KCNQ1OT1: variants seen among roughly 807,000 people sequenced by gnomAD.
The protein encoded by KCNQ1OT1 is KCNQ1 opposite strand/antisense transcript 1.
chr11:2,661,920 G>T lies in KCNQ1OT1; in HGVS notation n.38075C>A, dbSNP rs74046836. On this transcript the variant is annotated non_coding_transcript_exon_variant, in exon 1 of 1. Coordinates refer to ENST00000597346, the Ensembl canonical transcript of KCNQ1OT1. The surrounding 1 kb of genome is among the most constrained non-coding windows in gnomAD (Gnocchi z 5.9). ...CTGGCTCCACAGCACTGGCAGGTTGGGTGGGAGGCCTAACGTGCTGTCCCC... is the reference window on the plus strand; with the variant it reads ...CTGGCTCCACAGCACTGGCAGGTTGTGTGGGAGGCCTAACGTGCTGTCCCC... 7.8e-4 allele frequency: 1,252 copies of T among 1,613,854 alleles called. 8 individuals are homozygous for T. In the African/African-American group the frequency reaches 0.014, roughly 18 times the overall value.
exon 1 of KCNQ1OT1, chr11:2,699,431 T>A (rs972527519): frequency 7.1e-5 from 28 of 396,400 alleles, no homozygotes; most frequent in Admixed American, 1.8e-4. Context: ...CTGAGGAGAG[T>A]CTGGGAGAAC....
chr11:2,644,798 A>AT, exon 1 of KCNQ1OT1: 2 of 398,444 alleles, frequency 5.0e-6, no homozygotes, highest in Non-Finnish European at 4.4e-6. Flanking sequence ...TCTCCATGGA[A>AT]TTTTTTTCAG....
chr11:2,664,082 A>C lies in KCNQ1OT1; in HGVS notation n.35913T>G, dbSNP rs1334206845. 8 of 398,660 alleles carry C rather than the reference A, an allele frequency of 2.0e-5. No homozygotes were observed. Among genetic ancestry groups the C allele is most frequent in the Non-Finnish European group, 3.5e-5 (8 of 226,166 alleles). 24.7% of individuals were successfully genotyped at this position (398,660 alleles called of 1,614,324 possible). On this transcript the variant is annotated non_coding_transcript_exon_variant, in exon 1 of 1. Transcript: ENST00000597346. The surrounding 1 kb of genome is among the most constrained non-coding windows in gnomAD (Gnocchi z 5.1). ...CCTCCAGTGATAAGTGGGCCCAGGC[A>C]GGTCAGAGACTCCAGTCATTACCCA...
In KCNQ1OT1 at chr11:2,620,223, T is replaced by TTA; in HGVS notation, n.79771_79772insTA. 3.7e-6 allele frequency: 1 copy of TTA among 270,922 alleles called. No individual in the cohort carries two copies. Among genetic ancestry groups the TTA allele is most frequent in the African/African-American group, 2.3e-5 (1 of 44,278 alleles). 16.8% of individuals were successfully genotyped at this position (270,922 alleles called of 1,614,324 possible). A position where few individuals can be genotyped will look rare whatever the true frequency, so the allele number is the denominator to read the frequency against. On this transcript the variant is annotated non_coding_transcript_exon_variant, in exon 1 of 1. Coordinates refer to ENST00000597346, the Ensembl canonical transcript of KCNQ1OT1. This position sits in a 1 kb window ranked among gnomAD's most constrained non-coding sequence, Gnocchi z 4.5. The stretch of plus-strand genomic sequence containing the variant: ...TGTATATATATATATTTTTTTTTTT[T>TTA]ATTTTTTTTTTAGACGGAGTTTCGC...
In KCNQ1OT1 at chr11:2,662,029, G is replaced by A. The variant is rs2133856134; in HGVS notation, n.37966C>T. The stretch of plus-strand genomic sequence containing the variant: ...CATGAGAACCAACAGCTTCGCCGAG[G>A]ACCTGGACCTGGAAGGGGAGACTCT... On this transcript the variant is annotated non_coding_transcript_exon_variant, in exon 1 of 1. Coordinates refer to ENST00000597346, the Ensembl canonical transcript of KCNQ1OT1. 2.5e-6 allele frequency: 4 copies of A among 1,614,216 alleles called. No homozygotes were observed.
At chr11:2,646,499 G>GT (rs922546178) in exon 1 of KCNQ1OT1, 2 of 398,436 alleles carry the variant, frequency 5.0e-6, no homozygotes, top group Non-Finnish European at 4.4e-6. Flanking sequence ...CTAATTTGCT[G>GT]TTTCACAGAA....
Position 2,664,151 on chromosome 11 carries a change from AG to A in KCNQ1OT1, n.35843del, listed in dbSNP as rs1197551415. The A allele has an allele frequency of 2.5e-5, 10 of 398,726 alleles. No homozygotes were observed. In the South Asian group the frequency reaches 1.3e-3, roughly 51 times the overall value. 24.7% of individuals were successfully genotyped at this position (398,726 alleles called of 1,614,324 possible). A position where few individuals can be genotyped will look rare whatever the true frequency, so the allele number is the denominator to read the frequency against. ...AACTTACCAAGGCCTCTCTCAGAGCAGGCTGTTCCAAAAGTGGCTGCTAGAT... is the reference window on the plus strand; with the variant it reads ...AACTTACCAAGGCCTCTCTCAGAGCAGCTGTTCCAAAAGTGGCTGCTAGAT... On this transcript the variant is annotated non_coding_transcript_exon_variant, in exon 1 of 1. Coordinates refer to ENST00000597346, the Ensembl canonical transcript of KCNQ1OT1. The surrounding 1 kb of genome is among the most constrained non-coding windows in gnomAD (Gnocchi z 5.1).
chr11:2,609,631 A>G (rs898554812), exon 1 of KCNQ1OT1: 6 of 398,256 alleles, frequency 1.5e-5, no homozygotes, highest in Non-Finnish European at 2.7e-5. Context: ...TGAAGTCTCC[A>G]ACTACTATTG....
exon 1 of KCNQ1OT1, chr11:2,631,061 C>T (rs1849344642): frequency 2.5e-6 from 1 of 398,400 alleles, no homozygotes; most frequent in Admixed American, 4.4e-5. Flanking sequence ...GGTGAAACCT[C>T]TTTTAGATGG....
At position 2,668,466 on chromosome 11, in the gene KCNQ1OT1, G is replaced by A. The variant is rs754318582; in HGVS notation, n.31529C>T. 18 of 398,438 alleles carry A rather than the reference G, an allele frequency of 4.5e-5. No individual in the cohort carries two copies. Among genetic ancestry groups the A allele is most frequent in the African/African-American group, 6.2e-5 (3 of 48,610 alleles). The allele number at this position is 398,438 out of a possible 1,614,324, so 24.7% of individuals were successfully genotyped here. A position where few individuals can be genotyped will look rare whatever the true frequency, so the allele number is the denominator to read the frequency against. On this transcript the variant is annotated non_coding_transcript_exon_variant, in exon 1 of 1. Coordinates refer to ENST00000597346, the Ensembl canonical transcript of KCNQ1OT1. This position sits in a 1 kb window ranked among gnomAD's most constrained non-coding sequence, Gnocchi z 4.3. The stretch of plus-strand genomic sequence containing the variant: ...CACATCCTAACACTTGGCATTTTCC[G>A]TCGTTTCCTTTTCAGCCATGATGGT...
exon 1 of KCNQ1OT1, chr11:2,680,877 A>G (rs1850385133): frequency 2.5e-6 from 1 of 398,394 alleles, no homozygotes; most frequent in African/African-American, 2.1e-5. Flanking sequence ...AGATTCACCC[A>G]GGTTATTGTG....
chr11:2,648,769 T>C (rs1245084354), exon 1 of KCNQ1OT1: 2 of 398,406 alleles, frequency 5.0e-6, no homozygotes, highest in Non-Finnish European at 4.4e-6. Flanking sequence ...TTGATATTTT[T>C]CCATCCAAAT....
In KCNQ1OT1 at chr11:2,621,267, C is replaced by T. The variant is rs527355185; in HGVS notation, n.78728G>A. ...TGCTAGGACTACAGGCATGAGCCAC[C>T]GTGCCTGGCCTCATTATTTGCATTT... On this transcript the variant is annotated non_coding_transcript_exon_variant, in exon 1 of 1. Coordinates refer to ENST00000597346, the Ensembl canonical transcript of KCNQ1OT1. The surrounding 1 kb of genome is among the most constrained non-coding windows in gnomAD (Gnocchi z 5.7). The T allele has an allele frequency of 3.8e-5, 15 of 398,372 alleles. No homozygotes were observed. Among genetic ancestry groups the T allele is most frequent in the Admixed American group, 3.5e-4 (8 of 22,728 alleles). 24.7% of individuals were successfully genotyped at this position (398,372 alleles called of 1,614,324 possible). A position where few individuals can be genotyped will look rare whatever the true frequency, so the allele number is the denominator to read the frequency against.
chr11:2,687,729 C>G lies in KCNQ1OT1; in HGVS notation n.12266G>C. The G allele has an allele frequency of 2.5e-6, 1 of 398,688 alleles. No homozygotes were observed. The highest frequency in any genetic ancestry group is 4.4e-6 in the Non-Finnish European group (1 of 226,128). 24.7% of individuals were successfully genotyped at this position (398,688 alleles called of 1,614,324 possible). A position where few individuals can be genotyped will look rare whatever the true frequency, so the allele number is the denominator to read the frequency against. On this transcript the variant is annotated non_coding_transcript_exon_variant, in exon 1 of 1. Transcript: ENST00000597346. This position sits in a 1 kb window ranked among gnomAD's most constrained non-coding sequence, Gnocchi z 5.0. ...CTGGGCCCAGATTTCAAGCCAGTAACCAGCAAATCATGGGGAGACTGAGAA... is the reference window on the plus strand; with the variant it reads ...CTGGGCCCAGATTTCAAGCCAGTAAGCAGCAAATCATGGGGAGACTGAGAA...
chr11:2,675,359 C>A, exon 1 of KCNQ1OT1: 1 of 398,376 alleles, frequency 2.5e-6, no homozygotes. Flanking sequence ...GTTTAAAACA[C>A]GTGTGTGCAT....
At chr11:2,662,389 T>G in exon 1 of KCNQ1OT1, 1 of 311,580 alleles carries the variant, frequency 3.2e-6, no homozygotes. Flanking sequence ...CCCCCTCCCC[T>G]GCCCCCCAAA....
exon 1 of KCNQ1OT1, chr11:2,622,960 T>C (rs1849199603): frequency 1.0e-5 from 4 of 398,526 alleles, no homozygotes; most frequent in Admixed American, 4.4e-5. Context: ...ATGTGTAACA[T>C]GTTGATATGG....
rs1849236545 is a variant in KCNQ1OT1 at position 2,624,751 on chromosome 11, C to G, written n.75244G>C. ...AACAATAATTCCCCAACCCCCCCACCACCGCCATCTCTTGGAAACCACCTT... is the reference window on the plus strand; with the variant it reads ...AACAATAATTCCCCAACCCCCCCACGACCGCCATCTCTTGGAAACCACCTT... On this transcript the variant is annotated non_coding_transcript_exon_variant, in exon 1 of 1. Coordinates refer to ENST00000597346, the Ensembl canonical transcript of KCNQ1OT1. The surrounding 1 kb of genome is among the most constrained non-coding windows in gnomAD (Gnocchi z 4.9). The G allele has an allele frequency of 2.5e-6, 1 of 398,374 alleles. No individual in the cohort carries two copies. The highest frequency in any genetic ancestry group is 2.1e-5 in the African/African-American group (1 of 48,564). The allele number at this position is 398,374 out of a possible 1,614,324, so 24.7% of individuals were successfully genotyped here. A position where few individuals can be genotyped will look rare whatever the true frequency, so the allele number is the denominator to read the frequency against.
At position 2,691,380 on chromosome 11, in the gene KCNQ1OT1, G is replaced by C. The variant is rs1850585158; in HGVS notation, n.8615C>G. The C allele has an allele frequency of 5.0e-6, 2 of 398,548 alleles. No homozygotes were observed. Among genetic ancestry groups the C allele is most frequent in the Non-Finnish European group, 8.8e-6 (2 of 226,094 alleles). 24.7% of individuals were successfully genotyped at this position (398,548 alleles called of 1,614,324 possible). On this transcript the variant is annotated non_coding_transcript_exon_variant, in exon 1 of 1. Coordinates refer to ENST00000597346, the Ensembl canonical transcript of KCNQ1OT1. This position sits in a 1 kb window ranked among gnomAD's most constrained non-coding sequence, Gnocchi z 6.4. ...TGACATCTTGGGCTCAGGCCTCTGG[G>C]TCTGGGCATAGAAGCCCAGGAACTG...
Sources: allele counts gnomAD v4.1 joint callset, GRCh38; gene constraint gnomAD v4.1.1; non-coding constraint Gnocchi (gnomAD v3.1); transcripts MANE v1.5; gene names NCBI Gene and HGNC (gene_info 2026-07-23, HGNC 2026-07-21).